The following GRHPR variants were observed in gnomAD, a reference collection of about 807,000 sequenced individuals.
GRHPR encodes the protein glyoxylate and hydroxypyruvate reductase.
In GRHPR, 35 loss-of-function variants were observed where a neutral mutation model predicts 36.8. The ratio of observed to expected loss-of-function variants is 0.95; its 90% CI spans 0.73 to 1.26. The LOEUF (loss-of-function observed/expected upper bound fraction) is 1.26. Among genes scored for constraint, GRHPR ranks in the 50% most tolerant of loss-of-function variants. The pLI, the probability that GRHPR is intolerant of heterozygous loss-of-function variation, is 0.00. For synonymous variants in GRHPR, 179 were observed against 181.0 expected, an observed-to-expected ratio of 0.99 and a Z score of 0.09; for missense variants, 380 against 435.0, an observed-to-expected ratio of 0.87 and a Z score of 1.12.
At chr9:37,432,657 G>A (rs1823426971) in intron 8 of GRHPR, 1 of 190,806 alleles carries the variant, frequency 5.2e-6, no homozygotes, top group Non-Finnish European at 1.1e-5. Context: ...CAGCCTGGGT[G>A]GCAGAGTGAG....
intron 8 of GRHPR, 157 bp downstream of exon 8, chr9:37,432,295 G>A (rs1161740074): frequency 1.4e-6 from 1 of 706,248 alleles, no homozygotes; most frequent in East Asian, 2.8e-5. Flanking sequence ...TCAGTGACAT[G>A]GGTGTATGAC....
intron 7 of GRHPR, chr9:37,430,937 A>G: frequency 1.8e-6 from 1 of 546,372 alleles, no homozygotes. Context: ...GAGCCTCTGC[A>G]GGCCCATTAT....
rs142509393 is a variant in GRHPR at position 37,428,547 on chromosome 9, C to T, written c.468C>T (p.Val156=). The T allele has an allele frequency of 3.6e-4, 573 of 1,610,508 alleles. No individual in the cohort carries two copies. The highest frequency in any genetic ancestry group is 3.1e-3 in the Middle Eastern group (19 of 6,054). The part of the protein sequence containing the change: ...LCGYGLTQST[V]GIIGLGRIGQ... Reference sequence around the variant, plus strand: ...GCTATGGACTCACGCAGAGCACTGTCGGCATCATCGGGCTGGGGCGCATAG... The same window carrying T: ...GCTATGGACTCACGCAGAGCACTGTTGGCATCATCGGGCTGGGGCGCATAG... The change falls in exon 5 of 9, where the codon GTC becomes GTT. Residue 156 remains valine, a synonymous_variant. Coordinates refer to ENST00000318158, the MANE Select transcript of GRHPR (RefSeq NM_012203.2).
chr9:37,424,714 G>C, intron 1 of GRHPR, 131 bp from the exon 2 acceptor site: 1 of 1,051,754 alleles, frequency 9.5e-7, no homozygotes, highest in Non-Finnish European at 1.4e-6. Context: ...ACCCCTGCCT[G>C]ACCCTGCCTC....
chr9:37,430,813 C>T, intron 7 of GRHPR, 167 bp downstream of exon 7: 1 of 723,036 alleles, frequency 1.4e-6, no homozygotes, highest in Non-Finnish European at 2.5e-6. Context: ...CACGAGACCT[C>T]CGTACAGGGA....
chr9:37,432,171 G>T, intron 8 of GRHPR, 33 bp downstream of exon 8: 1 of 1,611,554 alleles, frequency 6.2e-7, no homozygotes, highest in South Asian at 1.1e-5. Flanking sequence ...CAAACTCCCT[G>T]CTGCCCTGCA....
chr9:37,434,343 G>T, intron 8 of GRHPR: 1 of 475,008 alleles, frequency 2.1e-6, no homozygotes. Context: ...CTTGGGGGAA[G>T]GGCCAGCGGC....
intron 8 of GRHPR, 143 bp downstream of exon 8, chr9:37,432,281 G>T (rs1465963134): frequency 5.3e-6 from 4 of 752,696 alleles, no homozygotes; most frequent in Non-Finnish European, 9.4e-6. Flanking sequence ...AAATGTTTAT[G>T]TTGTCAGTGA....
Position 37,432,095 on chromosome 9 carries a change from AC to A in GRHPR, c.824del (p.Pro275HisfsTer9), listed in dbSNP as rs1449748751. On this transcript the variant is annotated frameshift_variant, in exon 8 of 9. Transcript: ENST00000318158. LOFTEE classifies it high-confidence loss of function. ...CTGGACTGGATGTGACGAGCCCAGA[AC>A]CACTGCCTACAAACCACCCTCTCCT... ...AAGLDVTSPE[P>X]LPTNHPLLTL... 6.2e-7 allele frequency: 1 copy of A among 1,614,130 alleles called. No individual in the cohort carries two copies. The highest frequency in any genetic ancestry group is 8.5e-7 in the Non-Finnish European group (1 of 1,179,970).
At chr9:37,424,789 G>A in intron 1 of GRHPR, 56 bp from the exon 2 acceptor site, 1 of 1,581,250 alleles carries the variant, frequency 6.3e-7, no homozygotes, top group East Asian at 2.3e-5. Context: ...CAGCTGGGAG[G>A]GGCGGGGACA....
At chr9:37,433,840 C>T (rs552746192) in intron 8 of GRHPR, 202 of 386,106 alleles carry the variant, frequency 5.2e-4, no homozygotes, top group Middle Eastern at 3.3e-3. Flanking sequence ...TTAGGTTGTC[C>T]GGGCCAGTCT....
intron 8 of GRHPR, among the ~76,000 whole-genome samples, chr9:37,435,758 TA>T (rs1305163586): frequency 6.6e-6 from 1 of 152,168 alleles, no homozygotes; most frequent in Non-Finnish European, 1.5e-5. Context: ...TGTACTCAAT[TA>T]AAAGGAAACA....
chr9:37,424,282 A>G (rs1252051211), intron 1 of GRHPR, among the ~76,000 whole-genome samples: 1 of 152,382 alleles, frequency 6.6e-6, no homozygotes, highest in East Asian at 1.9e-4. Context: ...GTCCTGCCAC[A>G]TAGAGGCTCC....
chr9:37,428,882 C>T (rs1823216367), intron 5 of GRHPR: 1 of 475,748 alleles, frequency 2.1e-6, no homozygotes, highest in Non-Finnish European at 3.9e-6. Context: ...GGAGTGGTTA[C>T]CGTGAGAGAG....
chr9:37,438,527 C>A, downstream of GRHPR: 1 of 152,344 alleles, frequency 6.6e-6, no homozygotes, highest in Non-Finnish European at 1.5e-5. Context: ...AAGCAAAGTC[C>A]ACTTATGCTT....
At position 37,433,044 on chromosome 9, in the gene GRHPR, C is replaced by T. The variant is rs77912638; in HGVS notation, c.865+906C>T. Among the ~76,000 whole-genome samples, 27 of 152,306 alleles carry T rather than the reference C, an allele frequency of 1.8e-4. No individual in the cohort carries two copies. The East Asian group carries it at 4.8e-3, about 27-fold the overall frequency. On this transcript the variant is annotated intron_variant, in intron 8 of 8. Transcript: ENST00000318158. ...TTCATCTAGCAGCACCAGTTCCTTC[C>T]CATAGTGGCTGGGGAATCCAGTTTG...
chr9:37,435,973 T>G (rs540882800), intron 8 of GRHPR, among the ~76,000 whole-genome samples: 4 of 152,200 alleles, frequency 2.6e-5, no homozygotes, highest in Non-Finnish European at 5.9e-5. Context: ...TCACTTGCTC[T>G]GGGGTGGGAT....
At chr9:37,437,456 G>T (rs1423856322), downstream of GRHPR, among the ~76,000 whole-genome samples, 1 of 152,026 alleles carries the variant, frequency 6.6e-6, no homozygotes, top group Non-Finnish European at 1.5e-5. Flanking sequence ...ACAGAACCCA[G>T]TTGTGACCAT....
chr9:37,422,692 A>G (rs1040348573), upstream of GRHPR: 125 of 1,336,850 alleles, frequency 9.4e-5, no homozygotes, highest in East Asian at 3.1e-3. Context: ...GCCCCGGCCC[A>G]GCTACATTCC....
Sources: gnomAD v4.1 joint callset for allele counts (sites outside exome capture counted in the v4.1 genomes callset) on GRCh38, gnomAD v4.1.1 for gene constraint, MANE v1.5 for transcripts, NCBI Gene and HGNC (gene_info 2026-07-23, HGNC 2026-07-21) for gene names.